The following ERC2 variants were observed in gnomAD, a reference collection of about 807,000 sequenced individuals.
The protein encoded by ERC2 is ELKS/RAB6-interacting/CAST family member 2.
ERC2 carries 42 observed loss-of-function variants against 114.8 expected under a neutral mutation model. That is an observed-to-expected ratio of 0.37 (90% CI 0.29 to 0.47). The LOEUF is 0.47. Ranked by LOEUF, ERC2 falls within the 20% of genes least tolerant of loss-of-function variation. The pLI, the probability that ERC2 is intolerant of heterozygous loss-of-function variation, is 0.99. For synonymous variants in ERC2, 454 were observed against 425.5 expected (o/e 1.07, Z -0.82); for missense variants, 939 against 1,150.7 (o/e 0.82, Z 2.66).
At chr3:56,081,008 G>T in intron 6 of ERC2, 24 bp from the exon 7 acceptor site, 1 of 1,607,414 alleles carries the variant, frequency 6.2e-7, no homozygotes, top group Non-Finnish European at 8.5e-7. Context: ...AAAGACAGAA[G>T]GTTGTGGTTT....
At position 55,952,873 on chromosome 3, in the gene ERC2, C is replaced by T. The variant is rs372708004; in HGVS notation, c.2268-2313G>A. On this transcript the variant is annotated intron_variant, in intron 12 of 17. Coordinates refer to ENST00000288221, the MANE Select transcript of ERC2 (RefSeq NM_015576.3). ...AAGAAAAAAGCATATTCTAAACCCACGTGTCCCTTAAAGCTTTCCTGAATT... is the reference window on the plus strand; with the variant it reads ...AAGAAAAAAGCATATTCTAAACCCATGTGTCCCTTAAAGCTTTCCTGAATT... 1.0e-3 allele frequency among the ~76,000 whole-genome samples: 153 copies of T among 152,212 alleles called. 1 individual carries two copies. The highest frequency in any genetic ancestry group is 3.5e-3 in the African/African-American group (145 of 41,522).
rs577164586 is a variant in ERC2, at chr3:56,111,150, CTA to C, written c.1473+28357_1473+28358del. Among the ~76,000 whole-genome samples, 11 of 152,206 alleles carry C rather than the reference CTA, an allele frequency of 7.2e-5. No individual in the cohort carries two copies. In the East Asian group the frequency reaches 1.7e-3, roughly 24 times the overall value. On this transcript the variant is annotated intron_variant, in intron 6 of 17. Coordinates refer to ENST00000288221, the MANE Select transcript of ERC2 (RefSeq NM_015576.3). The stretch of plus-strand genomic sequence containing the variant: ...CCTGGTGTGTCCCTGAGGCTGTGTT[CTA>C]TGAACTCAAATCCTGTGCTTCAGTC...
At chr3:56,329,966 CATAT>C (rs975750613) in intron 2 of ERC2, among the ~76,000 whole-genome samples, 2 of 150,942 alleles carry the variant, frequency 1.3e-5, no homozygotes, top group Non-Finnish European at 1.5e-5. Context: ...TTCCAATACA[CATAT>C]ATATATTTCA....
At chr3:55,877,643 C>G (rs1335337524) in intron 14 of ERC2, among the ~76,000 whole-genome samples, 1 of 151,892 alleles carries the variant, frequency 6.6e-6, no homozygotes, top group Non-Finnish European at 1.5e-5. Flanking sequence ...TCCCGAGTAG[C>G]TGGGACCACA....
Position 55,712,611 on chromosome 3 carries a change from G to A in ERC2, c.2713-13099C>T, listed in dbSNP as rs184144023. Among the ~76,000 whole-genome samples, 254 of 152,276 alleles carry A rather than the reference G, an allele frequency of 1.7e-3. 2 individuals are homozygous for A. Among genetic ancestry groups the A allele is most frequent in the African/African-American group, 5.8e-3 (241 of 41,562 alleles). On this transcript the variant is annotated intron_variant, in intron 15 of 17. Transcript: ENST00000288221. ...CAAGACTTCTCTTTGTAGCCATCCT[G>A]GTGGATGGTGGTCCAGTCTTCATTC...
chr3:56,364,024 G>T (rs909222185), intron 2 of ERC2, among the ~76,000 whole-genome samples: 1 of 152,212 alleles, frequency 6.6e-6, no homozygotes, highest in Non-Finnish European at 1.5e-5. Context: ...ACTCAGTCCA[G>T]CTCCGTGGCC....
chr3:55,727,716 G>A (rs769471601), intron 15 of ERC2, among the ~76,000 whole-genome samples: 3 of 152,140 alleles, frequency 2.0e-5, no homozygotes, highest in East Asian at 1.9e-4. Context: ...TGAAATGGAC[G>A]GATTCCCTTC....
rs1259274084 is a variant in ERC2, at chr3:55,561,693, T to C, written c.*40-50417A>G. 3.3e-5 allele frequency among the ~76,000 whole-genome samples: 5 copies of C among 152,130 alleles called. No homozygotes were observed. The South Asian group carries it at 1.0e-3, about 32-fold the overall frequency. ...TACTCGCTTTTTTTCTTGCCCTGTA[T>C]CCATCCTCCCTTCTAATAATAGCAC... On this transcript the variant is annotated intron_variant, in intron 17 of 17. Coordinates refer to ENST00000288221, the MANE Select transcript of ERC2 (RefSeq NM_015576.3).
chr3:56,361,877 G>A (rs2058970965), intron 2 of ERC2, among the ~76,000 whole-genome samples: 1 of 152,234 alleles, frequency 6.6e-6, no homozygotes. Flanking sequence ...GAGACCTGCA[G>A]TAACAGCACA....
chr3:55,862,195 T>C (rs1390673907), intron 14 of ERC2, among the ~76,000 whole-genome samples: 1 of 152,058 alleles, frequency 6.6e-6, no homozygotes, highest in Non-Finnish European at 1.5e-5. Context: ...TGTATATATA[T>C]ACATATATAT....
intron 3 of ERC2, among the ~76,000 whole-genome samples, chr3:56,287,751 A>G (rs1185626466): frequency 2.0e-5 from 3 of 152,228 alleles, no homozygotes; most frequent in African/African-American, 7.2e-5. Flanking sequence ...CGGCAAGTCC[A>G]AATTTGAATG....
chr3:56,257,694 G>A (rs1190760089), intron 3 of ERC2, among the ~76,000 whole-genome samples: 1 of 152,178 alleles, frequency 6.6e-6, no homozygotes, highest in Non-Finnish European at 1.5e-5. Context: ...CACTCCATTA[G>A]TCAACTCCAG....
At chr3:56,169,938 G>T (rs2082544967) in intron 4 of ERC2, among the ~76,000 whole-genome samples, 1 of 151,826 alleles carries the variant, frequency 6.6e-6, no homozygotes, top group Non-Finnish European at 1.5e-5. Context: ...TAGCATTAAA[G>T]AAAGAAAAAA....
At chr3:55,810,096 TA>T (rs2059656486) in intron 14 of ERC2, among the ~76,000 whole-genome samples, 1 of 152,164 alleles carries the variant, frequency 6.6e-6, no homozygotes, top group African/African-American at 2.4e-5. Context: ...CTGTACATTT[TA>T]AAAATCCATC....
intron 14 of ERC2, among the ~76,000 whole-genome samples, chr3:55,802,692 CAGA>C (rs1202480666): frequency 6.6e-6 from 1 of 152,282 alleles, no homozygotes; most frequent in East Asian, 1.9e-4. Flanking sequence ...ACAAAATCTT[CAGA>C]AGGTTTCAAA....
At chr3:55,553,727 T>C (rs1381671949) in intron 17 of ERC2, among the ~76,000 whole-genome samples, 1 of 150,776 alleles carries the variant, frequency 6.6e-6, no homozygotes, top group African/African-American at 2.4e-5. Flanking sequence ...TTGCCGTGAG[T>C]CAAGATCGCG....
chr3:55,924,268 A>C (rs1425923589), intron 13 of ERC2, among the ~76,000 whole-genome samples: 1 of 152,048 alleles, frequency 6.6e-6, no homozygotes, highest in Non-Finnish European at 1.5e-5. Context: ...CAGACAGTAA[A>C]ATTTCGGCCT....
At chr3:55,673,410 C>T (rs370153350) in intron 17 of ERC2, among the ~76,000 whole-genome samples, 29 of 152,210 alleles carry the variant, frequency 1.9e-4, no homozygotes, top group African/African-American at 6.0e-4. Context: ...TGGTGAAACC[C>T]CGTCTCTACT....
At chr3:56,205,404 G>T (rs1434048117) in intron 3 of ERC2, among the ~76,000 whole-genome samples, 1 of 152,114 alleles carries the variant, frequency 6.6e-6, no homozygotes, top group Non-Finnish European at 1.5e-5. Context: ...TTGGGTCACT[G>T]GAGTGCATTG....
Sources: allele counts gnomAD v4.1 joint callset (sites outside exome capture counted in the v4.1 genomes callset), GRCh38; gene constraint gnomAD v4.1.1; transcripts MANE v1.5; gene names NCBI Gene and HGNC (gene_info 2026-07-23, HGNC 2026-07-21).